The following COQ8B variants were observed in gnomAD, a reference collection of about 807,000 sequenced individuals.
COQ8B encodes the protein atypical kinase COQ8B, mitochondrial.
A neutral mutation model predicts 62.0 loss-of-function variants in COQ8B; 44 were observed. The ratio of observed to expected loss-of-function variants is 0.71; its 90% confidence interval spans 0.56 to 0.91. COQ8B has a LOEUF of 0.91. Among genes scored for constraint, COQ8B ranks in the 40% least tolerant of loss-of-function variants. COQ8B has a pLI of 0.00. For synonymous variants in COQ8B, 252 were observed against 289.9 expected (o/e 0.87, Z 1.33); for missense variants, 649 against 731.6 (o/e 0.89, Z 1.30).
intron 4 of COQ8B, among the ~76,000 whole-genome samples, chr19:40,713,403 C>T (rs1372414222): frequency 6.6e-6 from 1 of 152,026 alleles, no homozygotes; most frequent in African/African-American, 2.4e-5. Context: ...AAAAATTAGC[C>T]GGGTGTGGTG....
At chr19:40,714,456 A>T in intron 2 of COQ8B, 59 bp from the exon 3 acceptor site, 1 of 1,612,826 alleles carries the variant, frequency 6.2e-7, no homozygotes, top group Non-Finnish European at 8.5e-7. Flanking sequence ...GCCCTTCTGG[A>T]CCCCTCCTGT....
intron 1 of COQ8B, chr19:40,715,200 G>A (rs1412544966): frequency 3.0e-6 from 3 of 984,772 alleles, no homozygotes; most frequent in Non-Finnish European, 3.6e-6. Context: ...TGTGCGCGGG[G>A]GAAGGGGCCA....
chr19:40,705,996 G>A (rs2082098297), intron 5 of COQ8B, among the ~76,000 whole-genome samples: 3 of 151,758 alleles, frequency 2.0e-5, no homozygotes, highest in African/African-American at 7.3e-5. Flanking sequence ...AATTGCAGGA[G>A]AGTCAAAGAG....
intron 1 of COQ8B, 79 bp from the exon 2 acceptor site, chr19:40,714,714 C>T: frequency 7.5e-7 from 1 of 1,333,220 alleles, no homozygotes; most frequent in Admixed American, 2.6e-5. Context: ...TCTGTGTCCA[C>T]CCTCTCTCAT....
intron 1 of COQ8B, chr19:40,715,195 G>A: frequency 3.0e-6 from 3 of 984,622 alleles, no homozygotes; most frequent in Non-Finnish European, 3.6e-6. Flanking sequence ...CCATCTGTGC[G>A]CGGGGGAAGG....
rs375044731 is a variant in COQ8B at position 40,700,502 on chromosome 19, C to T, written c.894-51G>A. On this transcript the variant is annotated intron_variant, in intron 10 of 14. Coordinates refer to ENST00000324464, the MANE Select transcript of COQ8B (RefSeq NM_024876.4). ...GGGACTTCGTGCTTCAGGCTTGTGA[C>T]CCAGCTTGAGACCTCCTCCTTGTGC... is the stretch of plus-strand genomic sequence containing the variant. 1.1e-5 allele frequency: 18 copies of T among 1,587,494 alleles called. No homozygotes were observed. The East Asian group carries it at 3.6e-4, about 32-fold the overall frequency.
At chr19:40,710,019 C>T in intron 5 of COQ8B, 40 bp downstream of exon 5, 1 of 1,610,306 alleles carries the variant, frequency 6.2e-7, no homozygotes, top group Non-Finnish European at 8.5e-7. Context: ...GGTCACACAG[C>T]AAAGCCAGGA....
intron 9 of COQ8B, 55 bp from the exon 10 acceptor site, chr19:40,702,748 C>T (rs1336529572): frequency 2.6e-6 from 4 of 1,513,758 alleles, no homozygotes; most frequent in Admixed American, 1.7e-5. Context: ...CTGGTGGATG[C>T]CTTCTCCTGC....
intron 1 of COQ8B, chr19:40,715,746 G>T (rs1395900205): frequency 2.6e-6 from 1 of 391,056 alleles, no homozygotes; most frequent in African/African-American, 2.2e-5. Flanking sequence ...GCTTCCTGTA[G>T]GCCTGACATT....
intron 4 of COQ8B, among the ~76,000 whole-genome samples, chr19:40,712,555 T>A (rs546628114): frequency 5.3e-5 from 8 of 151,916 alleles, no homozygotes; most frequent in Non-Finnish European, 8.8e-5. Flanking sequence ...GCCACTGCAC[T>A]CCAGTCTGGG....
chr19:40,710,234 C>T, intron 4 of COQ8B, 98 bp from the exon 5 acceptor site: 2 of 1,115,690 alleles, frequency 1.8e-6, no homozygotes, highest in Non-Finnish European at 2.7e-6. Flanking sequence ...ATGCTTGTCT[C>T]CCAACTCTTT....
chr19:40,709,355 C>T (rs948703821), intron 5 of COQ8B, among the ~76,000 whole-genome samples: 1 of 152,190 alleles, frequency 6.6e-6, no homozygotes, highest in Admixed American at 6.5e-5. Flanking sequence ...AATATCCACC[C>T]CCACTTGTTT....
chr19:40,713,675 C>G (rs2082160361), intron 4 of COQ8B, among the ~76,000 whole-genome samples: 1 of 146,672 alleles, frequency 6.8e-6, no homozygotes, highest in Non-Finnish European at 1.5e-5. Flanking sequence ...AAGACGGTGC[C>G]ACTGCACTCC....
chr19:40,695,342 A>G (rs1467961448), intron 13 of COQ8B, among the ~76,000 whole-genome samples: 1 of 151,574 alleles, frequency 6.6e-6, no homozygotes, highest in Non-Finnish European at 1.5e-5. Context: ...AAAAGAAAAG[A>G]AAAAAAAGGA....
At chr19:40,716,103 ACTTCTC>A (rs2082183476) in intron 1 of COQ8B, 1 of 152,052 alleles carries the variant, frequency 6.6e-6, no homozygotes, top group Admixed American at 6.6e-5. Context: ...CCCTCTCTGG[ACTTCTC>A]CTTCCCAACC....
At chr19:40,702,784 G>A (rs1316463108) in intron 9 of COQ8B, 91 bp from the exon 10 acceptor site, 4 of 1,211,868 alleles carry the variant, frequency 3.3e-6, no homozygotes, top group East Asian at 2.4e-5. Context: ...TGTCTCCCGC[G>A]CTGTCCCTCA....
intron 4 of COQ8B, among the ~76,000 whole-genome samples, chr19:40,711,081 A>T (rs1446580472): frequency 2.0e-5 from 3 of 149,198 alleles, no homozygotes; most frequent in Admixed American, 2.0e-4. Flanking sequence ...CGGTGAGCCG[A>T]GATCACACCA....
At chr19:40,707,408 G>A (rs777781532) in intron 5 of COQ8B, among the ~76,000 whole-genome samples, 4 of 151,280 alleles carry the variant, frequency 2.6e-5, no homozygotes, top group Non-Finnish European at 5.9e-5. Flanking sequence ...CATATTAATG[G>A]AATCATTCAA....
At chr19:40,715,453 C>T (rs2082178628) in intron 1 of COQ8B, 1 of 985,614 alleles carries the variant, frequency 1.0e-6, no homozygotes, top group Non-Finnish European at 1.2e-6. Context: ...TTACCCCTGG[C>T]AGGCTCAACA....
Sources: allele counts gnomAD v4.1 joint callset (sites outside exome capture counted in the v4.1 genomes callset), GRCh38; gene constraint gnomAD v4.1.1; transcripts MANE v1.5; gene names NCBI Gene and HGNC (gene_info 2026-07-23, HGNC 2026-07-21).